Variants in TGIF1 observed in about 807,000 individuals in gnomAD.
TGIF1 encodes the protein homeobox protein TGIF1.
TGIF1 carries 4 observed loss-of-function variants against 19.3 expected under a neutral mutation model. The observed-to-expected ratio is 0.21, with a 90% CI of 0.10 to 0.47. The LOEUF is 0.47. Among genes scored for constraint, TGIF1 ranks in the 20% least tolerant of loss-of-function variants. The pLI is 0.98. For synonymous variants in TGIF1, 122 were observed against 129.3 expected, an observed-to-expected ratio of 0.94 and a Z score of 0.38; for missense variants, 275 against 341.4, an observed-to-expected ratio of 0.81 and a Z score of 1.53.
intron 2 of TGIF1, among the ~76,000 whole-genome samples, chr18:3,430,615 C>T (rs892714629): frequency 2.0e-5 from 3 of 152,044 alleles, no homozygotes; most frequent in African/African-American, 7.2e-5. Context: ...AGCAATCCTC[C>T]CACCTCAGCC....
At chr18:3,425,874 C>T (rs1244187334) in intron 2 of TGIF1, among the ~76,000 whole-genome samples, 4 of 152,054 alleles carry the variant, frequency 2.6e-5, no homozygotes, top group African/African-American at 7.2e-5. Flanking sequence ...CAGGCAGTTA[C>T]GAGGACATCC....
At chr18:3,438,552 A>AG (rs1018007518) in intron 2 of TGIF1, among the ~76,000 whole-genome samples, 4 of 146,084 alleles carry the variant, frequency 2.7e-5, no homozygotes, top group African/African-American at 1.0e-4. Context: ...AAGTCCTTCT[A>AG]GACTTCACCC....
intron 2 of TGIF1, among the ~76,000 whole-genome samples, chr18:3,442,802 A>G (rs560764706): frequency 3.3e-5 from 5 of 152,340 alleles, no homozygotes; most frequent in East Asian, 1.9e-4. Flanking sequence ...ACTAATACAT[A>G]CACAAAAATG....
chr18:3,459,924 T>G lies in TGIF1; in HGVS notation c.*1984T>G, dbSNP rs2049467099. The G allele has an allele frequency of 6.6e-6, 1 of 152,168 alleles. No homozygotes were observed. The highest frequency in any genetic ancestry group is 2.1e-4 in the South Asian group (1 of 4,832). The allele number at this position is 152,168 out of a possible 1,614,324, so 9.4% of individuals were successfully genotyped here. A position where few individuals can be genotyped will look rare whatever the true frequency, so the allele number is the denominator to read the frequency against. On this transcript the variant is annotated 3_prime_UTR_variant, in exon 3 of 3. Coordinates refer to ENST00000343820, the MANE Select transcript of TGIF1 (RefSeq NM_003244.4). Reference sequence around the variant, plus strand: ...TCATATCAAAGCCAAATAGAAATGATTTTTATGCTTATAATTTACATGGTG... The same window carrying G: ...TCATATCAAAGCCAAATAGAAATGAGTTTTATGCTTATAATTTACATGGTG...
At chr18:3,452,187 A>AC (rs762555858) in intron 1 of TGIF1, 4 of 1,607,332 alleles carry the variant, frequency 2.5e-6, no homozygotes, top group African/African-American at 1.4e-5. Flanking sequence ...CTCCCTGGCG[A>AC]CCCCCTCTGC....
chr18:3,416,314 G>A (rs1185024853), intron 1 of TGIF1, among the ~76,000 whole-genome samples: 1 of 151,924 alleles, frequency 6.6e-6, no homozygotes, highest in African/African-American at 2.4e-5. Context: ...GAGGTCAGGA[G>A]TTTGAGACCA....
chr18:3,453,783 T>G (rs1015481780), intron 1 of TGIF1: 10 of 985,024 alleles, frequency 1.0e-5, no homozygotes, highest in Admixed American at 6.2e-5. Flanking sequence ...CCACAACATT[T>G]CCTTGTATGT....
intron 1 of TGIF1, among the ~76,000 whole-genome samples, chr18:3,417,707 T>G (rs936439035): frequency 2.0e-5 from 3 of 152,240 alleles, no homozygotes; most frequent in African/African-American, 7.2e-5. Flanking sequence ...ATTCATTTCT[T>G]AAAAATGGAA....
rs1354244690 is a variant in TGIF1, at chr18:3,451,284, G to A, written c.16+779G>A. 1.2e-6 allele frequency: 1 copy of A among 866,744 alleles called. No homozygotes were observed. Among genetic ancestry groups the A allele is most frequent in the Non-Finnish European group, 1.4e-6 (1 of 722,400 alleles). 53.7% of individuals were successfully genotyped at this position (866,744 alleles called of 1,614,324 possible). ...AAGGCTGTCATTGTTTCCACGAAGTGTTCTGGAAGCTTTACAACTAAAACT... is the reference window on the plus strand; with the variant it reads ...AAGGCTGTCATTGTTTCCACGAAGTATTCTGGAAGCTTTACAACTAAAACT... On this transcript the variant is annotated intron_variant, in intron 1 of 2. Transcript: ENST00000343820. This position sits in a 1 kb window ranked among gnomAD's most constrained non-coding sequence, Gnocchi z 5.4.
At chr18:3,444,407 T>A (rs1159429009) in intron 2 of TGIF1, among the ~76,000 whole-genome samples, 2 of 151,976 alleles carry the variant, frequency 1.3e-5, no homozygotes, top group African/African-American at 4.8e-5. Context: ...TATTTCATCA[T>A]CCAGATAAGC....
At chr18:3,443,037 T>C (rs371453009) in intron 2 of TGIF1, among the ~76,000 whole-genome samples, 4 of 152,298 alleles carry the variant, frequency 2.6e-5, no homozygotes, top group East Asian at 1.9e-4. Flanking sequence ...GATGCAGCTA[T>C]TCCACCTCCC....
upstream of TGIF1, chr18:3,448,230 A>G (rs886230302): frequency 1.2e-5 from 12 of 985,278 alleles, no homozygotes; most frequent in Non-Finnish European, 1.4e-5. Flanking sequence ...CAGGCCGCGG[A>G]GTCGCAGCGT....
At chr18:3,441,837 CTTT>C (rs987703099) in intron 2 of TGIF1, among the ~76,000 whole-genome samples, 1 of 152,084 alleles carries the variant, frequency 6.6e-6, no homozygotes, top group Non-Finnish European at 1.5e-5. Context: ...ATTGTTTCTT[CTTT>C]ATTATTTCTC....
chr18:3,418,359 G>A (rs1278106164), intron 2 of TGIF1: 2 of 152,328 alleles, frequency 1.3e-5, no homozygotes, highest in South Asian at 4.1e-4. Flanking sequence ...GCCATGTACA[G>A]TTGTCCCTTG....
rs923243477 is a variant in TGIF1 at position 3,450,270 on chromosome 18, C to G, written c.-220C>G. 9.8e-6 allele frequency: 14 copies of G among 1,433,592 alleles called. No homozygotes were observed. The highest frequency in any genetic ancestry group is 2.9e-5 in the African/African-American group (2 of 69,482). The allele number at this position is 1,433,592 out of a possible 1,614,324, so 88.8% of individuals were successfully genotyped here. A position where few individuals can be genotyped will look rare whatever the true frequency, so the allele number is the denominator to read the frequency against. On this transcript the variant is annotated 5_prime_UTR_variant, in exon 1 of 3. Coordinates refer to ENST00000343820, the MANE Select transcript of TGIF1 (RefSeq NM_003244.4). ...GCGAGGGAGAGCCCCCGGCCGGCTGCCAGAAGATCCCGGCGGGAGGAAGCC... is the reference window on the plus strand; with the variant it reads ...GCGAGGGAGAGCCCCCGGCCGGCTGGCAGAAGATCCCGGCGGGAGGAAGCC...
At chr18:3,453,188 T>G (rs1357230241) in intron 1 of TGIF1, among the ~76,000 whole-genome samples, 1 of 152,064 alleles carries the variant, frequency 6.6e-6, no homozygotes, top group African/African-American at 2.4e-5. Context: ...TCCTCTCGCC[T>G]TGGCCTCCCA....
Position 3,451,545 on chromosome 18 carries a change from G to GGCGGC in TGIF1, c.16+1043_16+1047dup, listed in dbSNP as rs900021416. 6 of 1,010,596 alleles carry GGCGGC rather than the reference G, an allele frequency of 5.9e-6. No individual in the cohort carries two copies. The African/African-American group carries it at 8.6e-5, about 14-fold the overall frequency. The allele number at this position is 1,010,596 out of a possible 1,614,324, so 62.6% of individuals were successfully genotyped here. A position where few individuals can be genotyped will look rare whatever the true frequency, so the allele number is the denominator to read the frequency against. On this transcript the variant is annotated intron_variant, in intron 1 of 2. Transcript: ENST00000343820. This position sits in a 1 kb window ranked among gnomAD's most constrained non-coding sequence, Gnocchi z 5.4. ...AATCACTCGGGAAGCGGACGGGAGGGGCGGCGCTACTGCGCATGCCCGGGA... is the reference window on the plus strand; with the variant it reads ...AATCACTCGGGAAGCGGACGGGAGGGGCGGCGCGGCGCTACTGCGCATGCCCGGGA...
Position 3,456,424 on chromosome 18 carries a change from A to C in TGIF1, c.87A>C (p.Ser29=). 1 of 1,614,224 alleles carries C rather than the reference A, an allele frequency of 6.2e-7. No individual in the cohort carries two copies. The highest frequency in any genetic ancestry group is 1.1e-5 in the South Asian group (1 of 91,086). ...DSMDIPLDLS[S]SAGSGKRRRR... is the part of the protein sequence containing the mutation. The stretch of plus-strand genomic sequence containing the variant: ...TGGACATTCCCTTGGACCTTTCTTC[A>C]TCCGCTGGCTCAGGCAAGAGAAGGA... The change falls in exon 2 of 3, where the codon TCA becomes TCC. Residue 29 remains serine, a synonymous_variant. Coordinates refer to ENST00000343820, the MANE Select transcript of TGIF1 (RefSeq NM_003244.4). The surrounding 1 kb of genome is among the most constrained non-coding windows in gnomAD (Gnocchi z 4.2).
upstream of TGIF1, chr18:3,448,187 A>G (rs1405749310): frequency 2.6e-5 from 26 of 985,136 alleles, no homozygotes; most frequent in Non-Finnish European, 3.1e-5. Flanking sequence ...TCTCCCCAGT[A>G]ACCGCCCGGT....
Sources: allele counts gnomAD v4.1 joint callset (sites outside exome capture counted in the v4.1 genomes callset), GRCh38; gene constraint gnomAD v4.1.1; non-coding constraint Gnocchi (gnomAD v3.1); transcripts MANE v1.5; gene names NCBI Gene and HGNC (gene_info 2026-07-23, HGNC 2026-07-21).